ZMYND8: variants seen among roughly 807,000 people sequenced by gnomAD.
ZMYND8 encodes MYND-type zinc finger-containing chromatin reader ZMYND8.
In ZMYND8, 37 loss-of-function variants were observed where a neutral mutation model predicts 140.8. The observed-to-expected ratio is 0.26, with a 90% CI of 0.20 to 0.35. The LOEUF (loss-of-function observed/expected upper bound fraction) is 0.35, where lower values mean the gene tolerates loss of function less well. Ranked by LOEUF, ZMYND8 falls within the 10% of genes least tolerant of loss-of-function variation. The pLI is 1.00. For missense variants in ZMYND8, 1,068 were observed against 1,570.0 expected, an observed-to-expected ratio of 0.68 and a Z score of 5.40; for synonymous variants, 592 against 597.1, an observed-to-expected ratio of 0.99 and a Z score of 0.12.
In ZMYND8 at chr20:47,276,476, T is replaced by C. The variant is rs759682683; in HGVS notation, c.1318A>G (p.Thr440Ala). The C allele has an allele frequency of 3.1e-6, 5 of 1,614,060 alleles. No individual in the cohort carries two copies. Among genetic ancestry groups the C allele is most frequent in the Non-Finnish European group, 3.4e-6 (4 of 1,180,002 alleles). The change falls in exon 11 of 23, where the codon ACA (threonine) becomes GCA (alanine). Residue 440 changes from threonine to alanine, a missense_variant. By Grantham distance (58) the Thr-to-Ala change is moderately conservative. Transcript: ENST00000471951. ...TCCGACAAGGAAATCCGGCGGCCTGTGCCCCCACTCAGCACAGGCTTGCTC... is the reference window on the plus strand; with the variant it reads ...TCCGACAAGGAAATCCGGCGGCCTGCGCCCCCACTCAGCACAGGCTTGCTC... ...LMSKPVLSGGTGRRISLSDMP... is the reference protein window; with the variant it reads ...LMSKPVLSGGAGRRISLSDMP...
At chr20:47,293,822 G>A (rs1212721240) in intron 5 of ZMYND8, among the ~76,000 whole-genome samples, 2 of 152,138 alleles carry the variant, frequency 1.3e-5, no homozygotes, top group African/African-American at 4.8e-5. Context: ...ATCCCTACAT[G>A]TCAAGGGAGG....
chr20:47,254,895 G>A (rs1028709808), intron 12 of ZMYND8, among the ~76,000 whole-genome samples: 3 of 152,176 alleles, frequency 2.0e-5, no homozygotes, highest in Admixed American at 1.3e-4. Flanking sequence ...GGGAGGCTGA[G>A]GTGGGCAGAT....
chr20:47,259,754 T>A (rs1009797673), intron 12 of ZMYND8, among the ~76,000 whole-genome samples: 2 of 152,172 alleles, frequency 1.3e-5, no homozygotes, highest in African/African-American at 4.8e-5. Context: ...CCAATGGGGC[T>A]GGAGTCTTTG....
chr20:47,216,154 C>T (rs2036067238), intron 21 of ZMYND8, among the ~76,000 whole-genome samples: 1 of 152,112 alleles, frequency 6.6e-6, no homozygotes, highest in African/African-American at 2.4e-5. Flanking sequence ...GAGAAATAGC[C>T]ATCATGGACG....
chr20:47,273,910 A>AT (rs2076106223), intron 11 of ZMYND8, among the ~76,000 whole-genome samples: 1 of 152,218 alleles, frequency 6.6e-6, no homozygotes, highest in Non-Finnish European at 1.5e-5. Context: ...ATAATTTTCA[A>AT]TATCACTCTC....
At chr20:47,255,471 A>G (rs1002664680) in intron 12 of ZMYND8, among the ~76,000 whole-genome samples, 4 of 150,916 alleles carry the variant, frequency 2.7e-5, no homozygotes, top group African/African-American at 9.7e-5. Flanking sequence ...CACTTTGGGA[A>G]GCCGAGGTGG....
chr20:47,277,801 G>A (rs2903932), intron 10 of ZMYND8, among the ~76,000 whole-genome samples: 4,023 of 152,072 alleles, frequency 0.026, 184 homozygotes, highest in African/African-American at 0.091. Context: ...TTCCCAAGTA[G>A]CCAGAACTGC....
intron 16 of ZMYND8, among the ~76,000 whole-genome samples, chr20:47,234,993 A>C (rs1224039542): frequency 6.6e-6 from 1 of 152,140 alleles, no homozygotes; most frequent in Admixed American, 6.5e-5. Context: ...AAAAGAAAGA[A>C]TTCTAGAAAC....
chr20:47,298,269 A>C lies in ZMYND8; in HGVS notation c.453+460T>G. The C allele has an allele frequency of 2.0e-6, 2 of 985,402 alleles. No individual in the cohort carries two copies. The highest frequency in any genetic ancestry group is 2.4e-6 in the Non-Finnish European group (2 of 829,918). 61.0% of individuals were successfully genotyped at this position (985,402 alleles called of 1,614,324 possible). On this transcript the variant is annotated intron_variant, in intron 4 of 22. Coordinates refer to ENST00000471951, the MANE Select transcript of ZMYND8 (RefSeq NM_001281775.3). This position sits in a 1 kb window ranked among gnomAD's most constrained non-coding sequence, Gnocchi z 5.0. ...CACTCAAGAAATACTTGTTGCACAA[A>C]AGAAAGCACCAGACGGCCACTACAG...
chr20:47,243,996 G>A (rs2147256956), intron 14 of ZMYND8, among the ~76,000 whole-genome samples: 1 of 152,286 alleles, frequency 6.6e-6, no homozygotes, highest in South Asian at 2.1e-4. Context: ...CCTCCCTTAT[G>A]TAACTGTATC....
intron 6 of ZMYND8, among the ~76,000 whole-genome samples, chr20:47,290,943 C>T (rs1169518423): frequency 6.6e-6 from 1 of 152,094 alleles, no homozygotes; most frequent in African/African-American, 2.4e-5. Flanking sequence ...CATATGGTCT[C>T]ACACAAACCT....
intron 1 of ZMYND8, chr20:47,353,115 C>A (rs1203009751): frequency 1.3e-5 from 2 of 152,084 alleles, no homozygotes; most frequent in East Asian, 1.9e-4. Flanking sequence ...AGACATCACG[C>A]GTTGCAAGTG....
intron 1 of ZMYND8, among the ~76,000 whole-genome samples, chr20:47,350,802 T>G (rs2082719337): frequency 6.6e-6 from 1 of 152,214 alleles, no homozygotes; most frequent in Admixed American, 6.5e-5. Flanking sequence ...CAACAAGCTC[T>G]TGTTTCAAAC....
intron 11 of ZMYND8, among the ~76,000 whole-genome samples, chr20:47,268,904 G>C (rs1180825774): frequency 6.6e-6 from 1 of 151,984 alleles, no homozygotes; most frequent in Non-Finnish European, 1.5e-5. Flanking sequence ...ACAATCCAAA[G>C]AAGAGATATG....
intron 3 of ZMYND8, among the ~76,000 whole-genome samples, chr20:47,306,903 G>T (rs1387326909): frequency 6.6e-6 from 1 of 152,188 alleles, no homozygotes; most frequent in Non-Finnish European, 1.5e-5. Flanking sequence ...AGCAGGCTGA[G>T]TATGAGACAA....
Position 47,310,933 on chromosome 20 carries a change from A to C in ZMYND8, c.86-729T>G, listed in dbSNP as rs143712584. 3.7e-3 allele frequency among the ~76,000 whole-genome samples: 561 copies of C among 152,278 alleles called. 9 individuals are homozygous for C. The highest frequency in any genetic ancestry group is 0.013 in the African/African-American group (529 of 41,560). ...CGTCCCTGCTGATGAGACCGAGGCCAACCTGCCAACAGTCATCACACAGGG... is the reference window on the plus strand; with the variant it reads ...CGTCCCTGCTGATGAGACCGAGGCCCACCTGCCAACAGTCATCACACAGGG... On this transcript the variant is annotated intron_variant, in intron 2 of 22. Coordinates refer to ENST00000471951, the MANE Select transcript of ZMYND8 (RefSeq NM_001281775.3).
intron 7 of ZMYND8, 134 bp from the exon 8 acceptor site, chr20:47,287,418 T>C (rs909042297): frequency 1.4e-5 from 10 of 726,254 alleles, no homozygotes; most frequent in Non-Finnish European, 2.1e-5. Flanking sequence ...AAACCAGAGG[T>C]TCCTGGCTTC....
rs59384012 is a variant in ZMYND8, at chr20:47,309,450, C to T, written c.234+606G>A. Among the ~76,000 whole-genome samples the T allele has an allele frequency of 5.7e-3, 865 of 152,210 alleles. 6 individuals are homozygous for T. Among genetic ancestry groups the T allele is most frequent in the African/African-American group, 0.02 (833 of 41,540 alleles). On this transcript the variant is annotated intron_variant, in intron 3 of 22. Transcript: ENST00000471951. ...CCTCCCGAGTAGCTGGGACTACAGG[C>T]GCATGCCACCATGCTCAGCTAACTT...
intron 10 of ZMYND8, among the ~76,000 whole-genome samples, chr20:47,278,706 C>A (rs998125860): frequency 2.0e-5 from 3 of 152,196 alleles, no homozygotes; most frequent in South Asian, 4.1e-4. Flanking sequence ...ACCAGCTTCT[C>A]ATCCATTCTG....
Sources: gnomAD v4.1 joint callset for allele counts (sites outside exome capture counted in the v4.1 genomes callset) on GRCh38, gnomAD v4.1.1 for gene constraint, Gnocchi (gnomAD v3.1) non-coding constraint, MANE v1.5 for transcripts, NCBI Gene and HGNC (gene_info 2026-07-23, HGNC 2026-07-21) for gene names.